APP: variants seen among roughly 807,000 people sequenced by gnomAD.
APP encodes the protein amyloid-beta precursor protein.
APP carries 31 observed loss-of-function variants against 101.4 expected under a neutral mutation model. The ratio of observed to expected loss-of-function variants is 0.31; its 90% confidence interval spans 0.23 to 0.41. APP has a LOEUF of 0.41. Ranked by LOEUF, APP falls within the 10% of genes least tolerant of loss-of-function variation. APP has a pLI of 1.00. For synonymous variants in APP, 366 were observed against 364.4 expected, an observed-to-expected ratio of 1.00 and a Z score of -0.05; for missense variants, 839 against 1,003.7, an observed-to-expected ratio of 0.84 and a Z score of 2.22.
Position 26,170,647 on chromosome 21 carries a change from C to A in APP, c.-27G>T, listed in dbSNP as rs1215619918. 2.6e-6 allele frequency: 4 copies of A among 1,528,342 alleles called. No homozygotes were observed. Among genetic ancestry groups the A allele is most frequent in the South Asian group, 2.4e-5 (2 of 82,810 alleles). 94.7% of individuals were successfully genotyped at this position (1,528,342 alleles called of 1,614,324 possible). On this transcript the variant is annotated 5_prime_UTR_variant, in exon 1 of 18. Transcript: ENST00000346798. Reference sequence around the variant, plus strand: ...GCGACCCTGCGCGGGGCACCGAGTGCGCTGCTGTGCGAGTGGGATCCGCCG... The same window carrying A: ...GCGACCCTGCGCGGGGCACCGAGTGAGCTGCTGTGCGAGTGGGATCCGCCG...
rs756759593 is a variant in APP at position 25,881,771 on chromosome 21, C to T, written c.2212G>A (p.Val738Ile). The change falls in exon 18 of 18, where the codon GTT (valine) becomes ATT (isoleucine). Residue 738 changes from valine (V) to isoleucine (I), a missense_variant and splice_region_variant. Coordinates refer to ENST00000346798, the MANE Select transcript of APP (RefSeq NM_000484.4). Reference sequence around the variant, plus strand: ...TCCTCTGGGGTGACAGCGGCGTCAACCTGAAAAACAAGAGGAGAGCTGAGT... The same window carrying T: ...TCCTCTGGGGTGACAGCGGCGTCAATCTGAAAAACAAGAGGAGAGCTGAGT... Reference protein sequence around the residue: ...YTSIHHGVVEVDAAVTPEERH... With the variant: ...YTSIHHGVVEIDAAVTPEERH... 8 of 1,613,182 alleles carry T rather than the reference C, an allele frequency of 5.0e-6. No homozygotes were observed. Among genetic ancestry groups the T allele is most frequent in the Admixed American group, 1.7e-5 (1 of 59,980 alleles).
At chr21:25,895,397 C>G (rs1374880800) in intron 16 of APP, among the ~76,000 whole-genome samples, 3 of 152,166 alleles carry the variant, frequency 2.0e-5, no homozygotes, top group African/African-American at 4.8e-5. Context: ...ACCTCCTGAC[C>G]TTGTGATCCA....
chr21:26,144,045 T>G (rs894275981), intron 1 of APP, among the ~76,000 whole-genome samples: 5 of 152,014 alleles, frequency 3.3e-5, no homozygotes, highest in African/African-American at 1.2e-4. Context: ...ACAATTAGGG[T>G]AGACGGGGAG....
intron 3 of APP, among the ~76,000 whole-genome samples, chr21:26,081,161 G>A (rs965869857): frequency 1.3e-5 from 2 of 152,058 alleles, no homozygotes; most frequent in African/African-American, 2.4e-5. Context: ...TTATGCACCA[G>A]GCTCAGAATT....
At chr21:26,072,369 T>C (rs1262377959) in intron 3 of APP, among the ~76,000 whole-genome samples, 3 of 152,192 alleles carry the variant, frequency 2.0e-5, no homozygotes, top group Non-Finnish European at 2.9e-5. Flanking sequence ...TTCTTCCTAG[T>C]TATAAATTTT....
intron 1 of APP, among the ~76,000 whole-genome samples, chr21:26,167,607 C>A (rs142260258): frequency 2.1e-4 from 32 of 152,298 alleles, no homozygotes; most frequent in African/African-American, 7.5e-4. Flanking sequence ...AAATAGAGAT[C>A]CTCTAGCAAC....
At chr21:26,033,337 C>A (rs1005072401) in intron 5 of APP, among the ~76,000 whole-genome samples, 1 of 152,188 alleles carries the variant, frequency 6.6e-6, no homozygotes, top group Non-Finnish European at 1.5e-5. Flanking sequence ...TCTTTCCTGC[C>A]GCCTTATGAA....
At chr21:25,891,086 C>A (rs763582310) in intron 17 of APP, among the ~76,000 whole-genome samples, 1 of 152,102 alleles carries the variant, frequency 6.6e-6, no homozygotes, top group African/African-American at 2.4e-5. Context: ...AATTTTCTTT[C>A]TCTCTTTCTT....
At chr21:26,047,825 T>C (rs991947225) in intron 5 of APP, among the ~76,000 whole-genome samples, 8 of 152,186 alleles carry the variant, frequency 5.3e-5, no homozygotes, top group South Asian at 2.1e-4. Flanking sequence ...CTAGTATGAA[T>C]TGAGACGTGC....
At chr21:25,914,776 A>G (rs2039272704) in intron 13 of APP, among the ~76,000 whole-genome samples, 1 of 152,054 alleles carries the variant, frequency 6.6e-6, no homozygotes, top group Non-Finnish European at 1.5e-5. Flanking sequence ...GATGGTCTCC[A>G]TCTCCTGACT....
intron 6 of APP, among the ~76,000 whole-genome samples, chr21:26,016,440 G>A (rs1310596762): frequency 6.6e-6 from 1 of 152,238 alleles, no homozygotes; most frequent in Non-Finnish European, 1.5e-5. Flanking sequence ...AACACAGGTT[G>A]AAATGAATTT....
At chr21:25,971,375 T>A (rs747112426) in intron 11 of APP, among the ~76,000 whole-genome samples, 1 of 152,152 alleles carries the variant, frequency 6.6e-6, no homozygotes, top group East Asian at 1.9e-4. Context: ...ACATTAGACA[T>A]CAGGTGAAGG....
intron 2 of APP, among the ~76,000 whole-genome samples, chr21:26,093,206 A>G (rs2061864540): frequency 6.6e-6 from 1 of 152,096 alleles, no homozygotes; most frequent in Non-Finnish European, 1.5e-5. Context: ...ACAGGAATAT[A>G]ATTCTCCCAC....
At chr21:25,937,070 C>G (rs2146417715) in intron 13 of APP, among the ~76,000 whole-genome samples, 1 of 152,110 alleles carries the variant, frequency 6.6e-6, no homozygotes, top group East Asian at 1.9e-4. Context: ...TTTTCTTTTT[C>G]TTTACTTGAC....
Position 25,997,464 on chromosome 21 carries a change from G to A in APP, c.1034-48C>T, listed in dbSNP as rs199718816. ...TAACTAAAAACAAAAAGAGAAACATGGGAATGATGGCTGAAATGCACGAGT... is the reference window on the plus strand; with the variant it reads ...TAACTAAAAACAAAAAGAGAAACATAGGAATGATGGCTGAAATGCACGAGT... On this transcript the variant is annotated intron_variant, in intron 7 of 17. Coordinates refer to ENST00000346798, the MANE Select transcript of APP (RefSeq NM_000484.4). 1,020 of 1,498,274 alleles carry A rather than the reference G, an allele frequency of 6.8e-4. 1 individual carries two copies. The highest frequency in any genetic ancestry group is 9.1e-4 in the Non-Finnish European group (975 of 1,075,144). 92.8% of individuals were successfully genotyped at this position (1,498,274 alleles called of 1,614,324 possible). A position where few individuals can be genotyped will look rare whatever the true frequency, so the allele number is the denominator to read the frequency against.
chr21:26,136,164 G>GAAAAGAAAAGA (rs756453136), intron 1 of APP, among the ~76,000 whole-genome samples: 1 of 81,064 alleles, frequency 1.2e-5, no homozygotes, highest in African/African-American at 5.1e-5. Flanking sequence ...GAAAAGAAAA[G>GAAAAGAAAAGA]AAAGAAAAGA....
chr21:26,168,051 A>ATTT (rs2063656101), intron 1 of APP, among the ~76,000 whole-genome samples: 5 of 152,220 alleles, frequency 3.3e-5, no homozygotes, highest in Non-Finnish European at 5.9e-5. Flanking sequence ...GACTAGGTTA[A>ATTT]ACCCTCAACA....
chr21:25,890,309 A>G (rs1237143021), intron 17 of APP, among the ~76,000 whole-genome samples: 4 of 152,128 alleles, frequency 2.6e-5, no homozygotes, highest in Admixed American at 2.6e-4. Context: ...AGCAAAATGA[A>G]ATTTCTGGCT....
At chr21:26,055,467 G>T (rs2046003555) in intron 3 of APP, among the ~76,000 whole-genome samples, 1 of 152,166 alleles carries the variant, frequency 6.6e-6, no homozygotes, top group African/African-American at 2.4e-5. Context: ...CTGGAGAATG[G>T]AAAGTAAAGG....
Sources: gnomAD v4.1 joint callset for allele counts (sites outside exome capture counted in the v4.1 genomes callset) on GRCh38, gnomAD v4.1.1 for gene constraint, MANE v1.5 for transcripts, NCBI Gene and HGNC (gene_info 2026-07-23, HGNC 2026-07-21) for gene names.